The following CDKL5 variants were observed in gnomAD, a reference collection of about 807,000 sequenced individuals.
CDKL5 encodes cyclin dependent kinase like 5, also known as cyclin-dependent kinase-like 5.
In CDKL5, 8 loss-of-function variants were observed where a neutral mutation model predicts 61.7. That is an observed-to-expected ratio of 0.13 (90% CI 0.08 to 0.23). The LOEUF (loss-of-function observed/expected upper bound fraction) is 0.23. CDKL5 is among the 10% of genes least tolerant of loss of function. The pLI, the probability that CDKL5 is intolerant of heterozygous loss-of-function variation, is 1.00. For synonymous variants in CDKL5, 275 were observed against 272.3 expected (o/e 1.01, Z -0.10); for missense variants, 440 against 734.5 (o/e 0.60, Z 4.63).
rs532938316 is a variant in CDKL5 at position 18,556,087 on chromosome X, A to G, written c.100-8390A>G. Among the ~76,000 whole-genome samples the G allele has an allele frequency of 6.3e-5, 7 of 111,885 alleles. No individual in the cohort carries two copies. The East Asian group carries it at 2.0e-3, about 31-fold the overall frequency. On this transcript the variant is annotated intron_variant, in intron 3 of 17. Transcript: ENST00000623535. ...AAATGCATATTAGCTCTGACCTGCTATAGAATGTATCCTGTGCTTGAATTT... is the reference window on the plus strand; with the variant it reads ...AAATGCATATTAGCTCTGACCTGCTGTAGAATGTATCCTGTGCTTGAATTT...
intron 1 of CDKL5, chrX:18,426,149 C>T (rs949035205): frequency 1.2e-4 from 14 of 112,377 alleles, no homozygotes; most frequent in Admixed American, 3.7e-4. Flanking sequence ...TCGGAGGGAG[C>T]CCGAGACTCG....
chrX:18,522,634 C>T (rs915536689), intron 3 of CDKL5, among the ~76,000 whole-genome samples: 9 of 109,174 alleles, frequency 8.2e-5, no homozygotes, highest in Admixed American at 5.9e-4. Context: ...CGTAAGCCAC[C>T]GCACCTCGCT....
chrX:18,489,868 G>A (rs776189859), intron 1 of CDKL5, among the ~76,000 whole-genome samples: 1 of 110,206 alleles, frequency 9.1e-6, no homozygotes, highest in Non-Finnish European at 1.9e-5. Flanking sequence ...TGGGCAACAT[G>A]GTGAGACCTC....
intron 1 of CDKL5, among the ~76,000 whole-genome samples, chrX:18,460,111 GGATGGTC>G (rs1267735456): frequency 2.7e-5 from 3 of 110,895 alleles, no homozygotes; most frequent in African/African-American, 9.9e-5. Flanking sequence ...ATGTTGGCCA[GGATGGTC>G]TCGATCTCTT....
chrX:18,546,154 A>C (rs1399480294), intron 3 of CDKL5, among the ~76,000 whole-genome samples: 1 of 111,601 alleles, frequency 9.0e-6, no homozygotes, highest in African/African-American at 3.3e-5. Context: ...GAAAATGTAA[A>C]AAAACAGGTT....
In CDKL5 at chrX:18,523,092, G is replaced by A. The variant is rs1237475924; in HGVS notation, c.99+12238G>A. On this transcript the variant is annotated intron_variant, in intron 3 of 17. Transcript: ENST00000623535. ...ATTACAGGCGTGAGCCACCACACCC[G>A]GCCCCAGTTTATTTTTTTTTATTGT... is the stretch of plus-strand genomic sequence containing the variant. Among the ~76,000 whole-genome samples, 3 of 111,233 alleles carry A rather than the reference G, an allele frequency of 2.7e-5. No individual in the cohort carries two copies. In the East Asian group the frequency reaches 8.4e-4, roughly 31 times the overall value.
intron 1 of CDKL5, among the ~76,000 whole-genome samples, chrX:18,436,565 G>C (rs1262032581): frequency 9.0e-6 from 1 of 110,716 alleles, no homozygotes; most frequent in Non-Finnish European, 1.9e-5. Flanking sequence ...GATGAGGCAA[G>C]GTGAGAGAGC....
At position 18,637,876 on chromosome X, in the gene CDKL5, T is replaced by A. The variant is rs1927440144; in HGVS notation, c.*9119T>A. 1 of 112,379 alleles carries A rather than the reference T, an allele frequency of 8.9e-6. No homozygotes were observed. The allele number at this position is 112,379 out of a possible 1,213,427, so 9.3% of individuals were successfully genotyped here. ...GAAATTGAGAAGGAATGTCACTGAATCTTTAATGCCAGTTACACAGAGCTC... is the reference window on the plus strand; with the variant it reads ...GAAATTGAGAAGGAATGTCACTGAAACTTTAATGCCAGTTACACAGAGCTC... On this transcript the variant is annotated 3_prime_UTR_variant, in exon 18 of 18. Coordinates refer to ENST00000623535, the MANE Select transcript of CDKL5 (RefSeq NM_001323289.2).
intron 5 of CDKL5, 91 bp downstream of exon 5, chrX:18,575,581 A>G (rs1426440380): frequency 2.4e-6 from 2 of 826,189 alleles, no homozygotes; most frequent in East Asian, 6.4e-5. Context: ...GTTATCTAAT[A>G]TGGCTTATCA....
intron 14 of CDKL5, among the ~76,000 whole-genome samples, chrX:18,611,628 A>G (rs902669987): frequency 1.8e-5 from 2 of 110,877 alleles, no homozygotes; most frequent in African/African-American, 6.6e-5. Flanking sequence ...ATGCTAATGG[A>G]GATTTAAGTT....
chrX:18,511,659 T>C (rs1922835553), intron 3 of CDKL5, among the ~76,000 whole-genome samples: 1 of 111,477 alleles, frequency 9.0e-6, no homozygotes, highest in Non-Finnish European at 1.9e-5. Flanking sequence ...GTACACTCTA[T>C]GATGTTTGCA....
chrX:18,470,355 G>GAAAAAAAAA (rs1262986005), intron 1 of CDKL5, among the ~76,000 whole-genome samples: 1 of 7,310 alleles, frequency 1.4e-4, no homozygotes, highest in Non-Finnish European at 2.8e-4. Context: ...AAGAAGAAAA[G>GAAAAAAAAA]AAAAAAAAAA....
intron 3 of CDKL5, among the ~76,000 whole-genome samples, chrX:18,556,551 T>C (rs1924608791): frequency 9.0e-6 from 1 of 111,436 alleles, no homozygotes; most frequent in Non-Finnish European, 1.9e-5. Flanking sequence ...CTCAGAATGA[T>C]GATTTGAGAA....
At chrX:18,520,179 C>A (rs888867037) in intron 3 of CDKL5, among the ~76,000 whole-genome samples, 35 of 112,104 alleles carry the variant, frequency 3.1e-4, no homozygotes, top group African/African-American at 1.1e-3. Context: ...GTGCAACCAC[C>A]ACCTCTTTGA....
Position 18,506,800 on chromosome X carries a change from G to T in CDKL5, c.-162-135G>T, listed in dbSNP as rs1922594420. ...TTTTGGGTTCTTCGCTCCTATTACTGTTGGTTTCTTCTTCATTTTAAGTGT... is the reference window on the plus strand; with the variant it reads ...TTTTGGGTTCTTCGCTCCTATTACTTTTGGTTTCTTCTTCATTTTAAGTGT... On this transcript the variant is annotated intron_variant, in intron 1 of 17. Transcript: ENST00000623535. 3.8e-5 allele frequency: 9 copies of T among 236,412 alleles called. No individual in the cohort carries two copies. The South Asian group carries it at 8.4e-4, about 22-fold the overall frequency. 19.5% of individuals were successfully genotyped at this position (236,412 alleles called of 1,213,427 possible).
In CDKL5 at chrX:18,452,226, T is replaced by C. The variant is rs1045777844; in HGVS notation, c.-163+26531T>C. ...GAATTTCATAATATACAAACTTTAATAGAATAAGTGATTACTGTCTCAGAG... is the reference window on the plus strand; with the variant it reads ...GAATTTCATAATATACAAACTTTAACAGAATAAGTGATTACTGTCTCAGAG... On this transcript the variant is annotated intron_variant, in intron 1 of 17. Coordinates refer to ENST00000623535, the MANE Select transcript of CDKL5 (RefSeq NM_001323289.2). Among the ~76,000 whole-genome samples the C allele has an allele frequency of 2.7e-5, 3 of 111,687 alleles. No individual in the cohort carries two copies. In the South Asian group the frequency reaches 1.1e-3, roughly 42 times the overall value.
At chrX:18,471,148 T>C (rs901879363) in intron 1 of CDKL5, among the ~76,000 whole-genome samples, 1 of 110,553 alleles carries the variant, frequency 9.0e-6, no homozygotes, top group Non-Finnish European at 1.9e-5. Context: ...TCTCAAGTCT[T>C]TTTTTTTATG....
At chrX:18,562,833 A>G (rs1253192480) in intron 3 of CDKL5, among the ~76,000 whole-genome samples, 1 of 112,045 alleles carries the variant, frequency 8.9e-6, no homozygotes, top group Non-Finnish European at 1.9e-5. Context: ...GATAAATAAA[A>G]GAATACACAT....
intron 1 of CDKL5, among the ~76,000 whole-genome samples, chrX:18,441,559 G>GA (rs1931744108): frequency 9.0e-6 from 1 of 111,692 alleles, no homozygotes; most frequent in Non-Finnish European, 1.9e-5. Flanking sequence ...TGGTGGGGGG[G>GA]CTTAGAAGCA....
Sources: gnomAD v4.1 joint callset for allele counts (sites outside exome capture counted in the v4.1 genomes callset) on GRCh38, gnomAD v4.1.1 for gene constraint, MANE v1.5 for transcripts, NCBI Gene and HGNC (gene_info 2026-07-23, HGNC 2026-07-21) for gene names.